The following KIAA0586 variants were observed in gnomAD, a reference collection of about 807,000 sequenced individuals.
KIAA0586 encodes KIAA0586, also known as protein TALPID3.
A neutral mutation model predicts 169.8 loss-of-function variants in KIAA0586; 144 were observed. The observed-to-expected ratio is 0.85, with a 90% CI of 0.74 to 0.97. The LOEUF (loss-of-function observed/expected upper bound fraction) is 0.97, where lower values mean the gene tolerates loss of function less well. Ranked by LOEUF, KIAA0586 falls within the 50% of genes least tolerant of loss-of-function variation. KIAA0586 has a pLI of 0.00. For synonymous variants in KIAA0586, 625 were observed against 612.4 expected (o/e 1.02, Z -0.30); for missense variants, 1,854 against 1,823.0 (o/e 1.02, Z -0.31).
chr14:58,495,202 T>C (rs922670056), intron 26 of KIAA0586, among the ~76,000 whole-genome samples: 7 of 152,098 alleles, frequency 4.6e-5, no homozygotes, highest in African/African-American at 1.7e-4. Context: ...AATTCTATCT[T>C]CTCCAGATCT....
chr14:58,495,504 G>T (rs954178988), intron 26 of KIAA0586, among the ~76,000 whole-genome samples: 4 of 151,860 alleles, frequency 2.6e-5, no homozygotes, highest in Admixed American at 2.0e-4. Context: ...CACTATGTTG[G>T]CTAGGCTGAT....
chr14:58,520,683 C>T (rs913108358), intron 29 of KIAA0586, among the ~76,000 whole-genome samples: 4 of 151,868 alleles, frequency 2.6e-5, no homozygotes, highest in South Asian at 2.1e-4. Flanking sequence ...CCACCATGCC[C>T]GGCTAATTTT....
chr14:58,557,901 C>CTTTT, the KIAA0586 span, among the ~76,000 whole-genome samples: 8,540 of 42,416 alleles, frequency 0.2, 2,549 homozygotes, highest in Admixed American at 0.27. Flanking sequence ...CCTGAGAAAT[C>CTTTT]TTTTTTTTTT....
At chr14:58,561,298 C>T in the KIAA0586 span, among the ~76,000 whole-genome samples, 1 of 152,212 alleles carries the variant, frequency 6.6e-6, no homozygotes, top group South Asian at 2.1e-4. Context: ...CTGGATTTCT[C>T]TTTTAAAATA....
rs1332504307 is a variant in KIAA0586 at position 58,460,058 on chromosome 14, A to C, written c.1872A>C (p.Lys624Asn). The C allele has an allele frequency of 6.6e-7, 1 of 1,509,654 alleles. No homozygotes were observed. The highest frequency in any genetic ancestry group is 8.9e-7 in the Non-Finnish European group (1 of 1,126,310). 93.5% of individuals were successfully genotyped at this position (1,509,654 alleles called of 1,614,324 possible). ...GCATGCCTGCTTCAAGTTTACAGAA[A>C]GAGAGAAAGGAAGTAAGATCCTAAT... ...MRGMPASSLQ[K>N]ERKEGLLKAT... is the part of the protein sequence containing the mutation. Residue 624 changes from lysine (K) to asparagine (N), a missense_variant, in exon 13 of 31, where the codon AAA becomes AAC. Coordinates refer to ENST00000652326, the MANE Select transcript of KIAA0586 (RefSeq NM_001329943.3).
chr14:58,442,355 G>A (rs1271443180), intron 4 of KIAA0586, among the ~76,000 whole-genome samples: 9 of 152,170 alleles, frequency 5.9e-5, no homozygotes, highest in Non-Finnish European at 2.9e-5. Flanking sequence ...TGATCCACCT[G>A]CCTTGGCCTC....
At chr14:58,450,047 T>C (rs921717874) in intron 7 of KIAA0586, among the ~76,000 whole-genome samples, 1 of 152,208 alleles carries the variant, frequency 6.6e-6, no homozygotes, top group African/African-American at 2.4e-5. Context: ...AATTTTAACT[T>C]GTAATGACTA....
At chr14:58,450,889 T>G (rs991298474) in intron 8 of KIAA0586, 143 bp downstream of exon 8, 1 of 570,302 alleles carries the variant, frequency 1.8e-6, no homozygotes, top group Non-Finnish European at 3.1e-6. Context: ...CTTCTTTAGA[T>G]TCTTTGTAAA....
At chr14:58,446,830 A>G (rs1167474635) in intron 6 of KIAA0586, among the ~76,000 whole-genome samples, 4 of 152,096 alleles carry the variant, frequency 2.6e-5, no homozygotes, top group Non-Finnish European at 5.9e-5. Context: ...CTAGTGAGAG[A>G]CCAGGAATGA....
In KIAA0586 at chr14:58,457,897, C is replaced by A. The variant is rs1474078162; in HGVS notation, c.1501C>A (p.Leu501Ile). 1.9e-6 allele frequency: 3 copies of A among 1,606,758 alleles called. No homozygotes were observed. Among genetic ancestry groups the A allele is most frequent in the Non-Finnish European group, 2.6e-6 (3 of 1,176,244 alleles). Residue 501 changes from leucine to isoleucine, a missense_variant, in exon 11 of 31, where the codon CTT becomes ATT. Transcript: ENST00000652326. ...AGGAGTACAAAACAATAAAAAAGTA[C>A]TTGAAGAAAACCTGGAAGCTATTAT... The part of the protein sequence containing the change: ...LRGVQNNKKV[L>I]EENLEAIIRA...
intron 29 of KIAA0586, among the ~76,000 whole-genome samples, chr14:58,533,533 T>TGAC: frequency 6.6e-6 from 1 of 152,190 alleles, no homozygotes; most frequent in Non-Finnish European, 1.5e-5. Flanking sequence ...GGGCCTGACT[T>TGAC]TGTTGAATGA....
At chr14:58,503,100 G>T (rs1414158528) in intron 27 of KIAA0586, among the ~76,000 whole-genome samples, 4 of 152,156 alleles carry the variant, frequency 2.6e-5, no homozygotes, top group Non-Finnish European at 5.9e-5. Context: ...AATGTAAGCT[G>T]TAATTTGAGT....
At chr14:58,477,017 T>A in intron 19 of KIAA0586, 106 bp from the exon 20 acceptor site, 1 of 588,102 alleles carries the variant, frequency 1.7e-6, no homozygotes, top group Non-Finnish European at 3.0e-6. Context: ...ACCAACATGT[T>A]TGTGGCATTG....
chr14:58,509,089 C>T (rs1245947408), intron 28 of KIAA0586, among the ~76,000 whole-genome samples: 1 of 152,016 alleles, frequency 6.6e-6, no homozygotes, highest in Non-Finnish European at 1.5e-5. Context: ...ATTAGCTCGG[C>T]TCCTGTAGTT....
chr14:58,483,732 G>A (rs536561473), intron 21 of KIAA0586, among the ~76,000 whole-genome samples: 1 of 152,148 alleles, frequency 6.6e-6, no homozygotes, highest in South Asian at 2.1e-4. Flanking sequence ...ATAGCAATAT[G>A]AAATTATACA....
At chr14:58,495,396 G>A (rs1355705695) in intron 26 of KIAA0586, among the ~76,000 whole-genome samples, 3 of 151,924 alleles carry the variant, frequency 2.0e-5, no homozygotes, top group Non-Finnish European at 2.9e-5. Context: ...CGAACTCTTG[G>A]ACTCAAGCAA....
intron 29 of KIAA0586, chr14:58,521,232 A>G (rs2045198952): frequency 1.9e-6 from 2 of 1,033,208 alleles, no homozygotes; most frequent in Admixed American, 1.9e-5. Context: ...AGTGGCCAGC[A>G]ACGTTGCCGA....
At chr14:58,488,594 G>A (rs774958509) in intron 23 of KIAA0586, 27 bp from the exon 24 acceptor site, 2 of 1,610,248 alleles carry the variant, frequency 1.2e-6, no homozygotes, top group African/African-American at 1.3e-5. Flanking sequence ...GACCTAACAA[G>A]CTCCAAATAT....
chr14:58,484,204 C>A (rs1595317558), intron 21 of KIAA0586, among the ~76,000 whole-genome samples: 1 of 152,088 alleles, frequency 6.6e-6, no homozygotes, highest in East Asian at 1.9e-4. Context: ...TTTAAATGAC[C>A]ATGGCTTTGC....
Sources: gnomAD v4.1 joint callset for allele counts (sites outside exome capture counted in the v4.1 genomes callset) on GRCh38, gnomAD v4.1.1 for gene constraint, MANE v1.5 for transcripts, NCBI Gene and HGNC (gene_info 2026-07-23, HGNC 2026-07-21) for gene names.